Variants in ADGRB3 observed in about 807,000 individuals in gnomAD.
ADGRB3 encodes brain-specific angiogenesis inhibitor 3.
ADGRB3 carries 37 observed loss-of-function variants against 193.4 expected under a neutral mutation model. The observed-to-expected ratio is 0.19, with a 90% CI of 0.15 to 0.25. The LOEUF (loss-of-function observed/expected upper bound fraction) is 0.25. Among genes scored for constraint, ADGRB3 ranks in the 10% least tolerant of loss-of-function variants. ADGRB3 has a pLI of 1.00. For synonymous variants in ADGRB3, 690 were observed against 644.2 expected (o/e 1.07, Z -1.08); for missense variants, 1,637 against 1,852.9 (o/e 0.88, Z 2.14).
At chr6:69,295,551 A>G (rs532411761) in intron 20 of ADGRB3, among the ~76,000 whole-genome samples, 62 of 152,286 alleles carry the variant, frequency 4.1e-4, no homozygotes, top group African/African-American at 1.4e-3. Context: ...GCTGAGAAGA[A>G]GGTCATACTA....
chr6:68,771,216 A>C (rs1408414475), intron 3 of ADGRB3, among the ~76,000 whole-genome samples: 1 of 152,134 alleles, frequency 6.6e-6, no homozygotes, highest in Admixed American at 6.6e-5. Context: ...GACTACAAAA[A>C]CAAAATTATT....
chr6:68,652,870 A>T (rs1768399167), intron 3 of ADGRB3, among the ~76,000 whole-genome samples: 1 of 152,150 alleles, frequency 6.6e-6, no homozygotes, highest in African/African-American at 2.4e-5. Context: ...TGTTAATAAA[A>T]TAGCAACAAA....
chr6:69,199,112 T>C (rs1765361302), intron 17 of ADGRB3, among the ~76,000 whole-genome samples: 1 of 152,136 alleles, frequency 6.6e-6, no homozygotes, highest in Admixed American at 6.6e-5. Flanking sequence ...GGTGTGGCAG[T>C]AAATATCTCT....
chr6:69,259,444 T>C (rs922811936), intron 20 of ADGRB3, among the ~76,000 whole-genome samples: 2 of 152,050 alleles, frequency 1.3e-5, no homozygotes, highest in African/African-American at 4.8e-5. Context: ...GCCTGTAATC[T>C]CAGCATTTTG....
At chr6:69,219,272 T>C (rs1471440844) in intron 17 of ADGRB3, among the ~76,000 whole-genome samples, 1 of 151,632 alleles carries the variant, frequency 6.6e-6, no homozygotes, top group East Asian at 1.9e-4. Flanking sequence ...GATAGTTGGC[T>C]ACAAAAATTG....
At chr6:68,941,357 T>C (rs535827759) in intron 5 of ADGRB3, among the ~76,000 whole-genome samples, 9 of 152,288 alleles carry the variant, frequency 5.9e-5, no homozygotes, top group Admixed American at 3.9e-4. Flanking sequence ...AAAAATCTTT[T>C]TTAAAATGAT....
intron 26 of ADGRB3, among the ~76,000 whole-genome samples, chr6:69,346,465 A>G (rs914592092): frequency 6.6e-6 from 1 of 152,068 alleles, no homozygotes; most frequent in Non-Finnish European, 1.5e-5. Flanking sequence ...CAACTGACAG[A>G]GGGCTAATAT....
intron 3 of ADGRB3, among the ~76,000 whole-genome samples, chr6:68,920,412 G>T (rs1160896457): frequency 1.3e-5 from 2 of 150,604 alleles, no homozygotes; most frequent in African/African-American, 4.9e-5. Flanking sequence ...CAGCTACTCC[G>T]GAGGCTGAGG....
chr6:69,125,536 A>G (rs1773828841), intron 17 of ADGRB3, among the ~76,000 whole-genome samples: 1 of 152,100 alleles, frequency 6.6e-6, no homozygotes, highest in African/African-American at 2.4e-5. Context: ...GGGACTGTCT[A>G]TGAACAGCCC....
intron 17 of ADGRB3, among the ~76,000 whole-genome samples, chr6:69,193,579 A>AT (rs1009757502): frequency 6.6e-6 from 1 of 152,124 alleles, no homozygotes; most frequent in Non-Finnish European, 1.5e-5. Context: ...TCCTGACACT[A>AT]TAACACCATA....
chr6:68,833,621 T>G (rs1767995205), intron 3 of ADGRB3, among the ~76,000 whole-genome samples: 2 of 148,268 alleles, frequency 1.3e-5, no homozygotes, highest in South Asian at 4.3e-4. Flanking sequence ...TCTTCTTGTT[T>G]TACTGAGATC....
chr6:69,049,812 T>TA (rs1771341732), intron 15 of ADGRB3, among the ~76,000 whole-genome samples: 2 of 152,180 alleles, frequency 1.3e-5, no homozygotes, highest in Non-Finnish European at 2.9e-5. Context: ...CAATTACAGT[T>TA]ACATTTTTTT....
intron 20 of ADGRB3, among the ~76,000 whole-genome samples, chr6:69,242,783 A>C (rs1326261587): frequency 6.6e-6 from 1 of 151,954 alleles, no homozygotes; most frequent in African/African-American, 2.4e-5. Context: ...TTTTCTCATA[A>C]AGTGATATTT....
chr6:69,267,057 C>T (rs986809228), intron 20 of ADGRB3, among the ~76,000 whole-genome samples: 15 of 152,044 alleles, frequency 9.9e-5, no homozygotes, highest in South Asian at 2.1e-4. Flanking sequence ...GGCATACAAG[C>T]GTAAGAACCC....
intron 3 of ADGRB3, among the ~76,000 whole-genome samples, chr6:68,736,224 G>A (rs557908858): frequency 1.4e-3 from 209 of 151,764 alleles, no homozygotes; most frequent in Non-Finnish European, 2.5e-3. Context: ...TCTCTTTGTT[G>A]CCCAGGCTAA....
intron 3 of ADGRB3, among the ~76,000 whole-genome samples, chr6:68,772,158 T>C (rs1385178680): frequency 1.3e-5 from 2 of 151,940 alleles, no homozygotes; most frequent in Non-Finnish European, 1.5e-5. Context: ...GAGATTGAAA[T>C]GGAGAAGACT....
At chr6:68,744,239 TA>T (rs1398971907) in intron 3 of ADGRB3, among the ~76,000 whole-genome samples, 3 of 151,940 alleles carry the variant, frequency 2.0e-5, no homozygotes, top group Admixed American at 6.6e-5. Flanking sequence ...ATATATCAAA[TA>T]AAAAACAGAG....
intron 17 of ADGRB3, among the ~76,000 whole-genome samples, chr6:69,134,678 C>CAT (rs111287149): frequency 0.12 from 18,040 of 150,074 alleles, 1,146 homozygotes; most frequent in Middle Eastern, 0.3. Flanking sequence ...GAAGCGGAAA[C>CAT]ATATATATAT....
intron 24 of ADGRB3, among the ~76,000 whole-genome samples, chr6:69,336,536 A>G (rs1447643501): frequency 6.6e-6 from 1 of 152,058 alleles, no homozygotes; most frequent in Non-Finnish European, 1.5e-5. Flanking sequence ...AAGGGAAACT[A>G]GAACTTGTAG....
Sources: allele counts gnomAD v4.1 joint callset (sites outside exome capture counted in the v4.1 genomes callset), GRCh38; gene constraint gnomAD v4.1.1; transcripts MANE v1.5; gene names NCBI Gene and HGNC (gene_info 2026-07-23, HGNC 2026-07-21).